The following SLIT2 variants were observed in gnomAD, a reference collection of about 807,000 sequenced individuals.
SLIT2 encodes slit homolog 2 protein.
Under a neutral mutation model 185.7 loss-of-function variants are expected in SLIT2, and 41 were observed. The ratio of observed to expected loss-of-function variants is 0.22; its 90% confidence interval spans 0.17 to 0.29. The LOEUF is 0.29. SLIT2 is among the 10% of genes least tolerant of loss of function. The probability of loss-of-function intolerance (pLI) is 1.00; values close to 1 mark genes in which losing one functional copy is unlikely to be tolerated. For synonymous variants in SLIT2, 693 were observed against 680.2 expected (o/e 1.02, Z -0.29); for missense variants, 1,571 against 1,909.0 (o/e 0.82, Z 3.30).
intron 29 of SLIT2, among the ~76,000 whole-genome samples, chr4:20,572,385 TAAAC>T (rs1725684668): frequency 6.6e-6 from 1 of 152,230 alleles, no homozygotes; most frequent in African/African-American, 2.4e-5. Context: ...TCAGAATTGT[TAAAC>T]AAATAATTTT....
intron 4 of SLIT2, among the ~76,000 whole-genome samples, chr4:20,332,865 G>A (rs1010025504): frequency 2.0e-5 from 3 of 152,030 alleles, no homozygotes; most frequent in East Asian, 1.9e-4. Flanking sequence ...CATTCTGGAC[G>A]TGGCATAAGT....
intron 4 of SLIT2, among the ~76,000 whole-genome samples, chr4:20,334,354 G>T (rs537478528): frequency 1.4e-4 from 21 of 152,216 alleles, no homozygotes; most frequent in Middle Eastern, 6.8e-3. Context: ...CTAGACAAAT[G>T]GGATTGCATC....
chr4:20,411,665 C>T (rs1394002715), intron 4 of SLIT2, among the ~76,000 whole-genome samples: 1 of 152,114 alleles, frequency 6.6e-6, no homozygotes, highest in Non-Finnish European at 1.5e-5. Context: ...TCAAGATAAC[C>T]CAGGTGAATC....
chr4:20,558,747 T>C (rs1018447756), intron 26 of SLIT2, among the ~76,000 whole-genome samples: 4 of 151,988 alleles, frequency 2.6e-5, no homozygotes, highest in Non-Finnish European at 5.9e-5. Flanking sequence ...AATGGAAATA[T>C]GTTTCAGGGA....
chr4:20,372,138 C>T (rs1193950014), intron 4 of SLIT2, among the ~76,000 whole-genome samples: 3 of 152,186 alleles, frequency 2.0e-5, no homozygotes, highest in Middle Eastern at 3.4e-3. Flanking sequence ...AGGTACGACA[C>T]ATTATGCCAG....
intron 4 of SLIT2, among the ~76,000 whole-genome samples, chr4:20,366,960 G>A (rs1008040564): frequency 6.6e-6 from 1 of 151,822 alleles, no homozygotes. Context: ...ACCACCCCTG[G>A]CTAATTTTCT....
chr4:20,607,634 A>G (rs1235462859), intron 33 of SLIT2, among the ~76,000 whole-genome samples: 2 of 152,204 alleles, frequency 1.3e-5, no homozygotes, highest in East Asian at 3.8e-4. Context: ...AGGGTGTTTA[A>G]AACTGTAAAG....
chr4:20,545,329 A>T (rs971097900), intron 21 of SLIT2, among the ~76,000 whole-genome samples: 1 of 152,018 alleles, frequency 6.6e-6, no homozygotes, highest in African/African-American at 2.4e-5. Flanking sequence ...GACATAATAG[A>T]TATAACTTCA....
rs182827012 is a variant in SLIT2 at position 20,271,030 on chromosome 4, G to A, written c.395+2149G>A. ...AAGTCTTTAATAAACAAAGGAACACGTGCTTGTGAAGCTCACTACTGGCTA... is the reference window on the plus strand; with the variant it reads ...AAGTCTTTAATAAACAAAGGAACACATGCTTGTGAAGCTCACTACTGGCTA... On this transcript the variant is annotated intron_variant, in intron 4 of 36. Transcript: ENST00000504154. Among the ~76,000 whole-genome samples, 282 of 152,030 alleles carry A rather than the reference G, an allele frequency of 1.9e-3. 2 individuals carry two copies. The highest frequency in any genetic ancestry group is 3.5e-3 in the Non-Finnish European group (239 of 67,902).
chr4:20,562,757 G>A (rs1226321772), intron 26 of SLIT2, among the ~76,000 whole-genome samples: 2 of 151,736 alleles, frequency 1.3e-5, no homozygotes, highest in Non-Finnish European at 2.9e-5. Context: ...AAAAGCATTG[G>A]TTTTAAATAA....
intron 4 of SLIT2, among the ~76,000 whole-genome samples, chr4:20,345,106 C>A (rs1006169600): frequency 2.0e-5 from 3 of 152,012 alleles, no homozygotes; most frequent in African/African-American, 7.2e-5. Context: ...ATACAAATAT[C>A]TATGTTTTAA....
At chr4:20,430,813 C>T in intron 4 of SLIT2, among the ~76,000 whole-genome samples, 1 of 152,302 alleles carries the variant, frequency 6.6e-6, no homozygotes, top group East Asian at 1.9e-4. Context: ...TTCCTTAAAG[C>T]AGCAGGCCAT....
intron 4 of SLIT2, among the ~76,000 whole-genome samples, chr4:20,417,036 C>T (rs1727741724): frequency 6.6e-6 from 1 of 151,548 alleles, no homozygotes; most frequent in Non-Finnish European, 1.5e-5. Flanking sequence ...GAGATTGAAG[C>T]CTTGACTTGA....
At chr4:20,557,712 C>T (rs560418850) in intron 26 of SLIT2, among the ~76,000 whole-genome samples, 19 of 152,120 alleles carry the variant, frequency 1.2e-4, no homozygotes, top group African/African-American at 4.6e-4. Context: ...TATAAGGCTA[C>T]AGCAGCTGTA....
chr4:20,465,240 G>A (rs1006942554), intron 4 of SLIT2, among the ~76,000 whole-genome samples: 7 of 152,090 alleles, frequency 4.6e-5, no homozygotes, highest in Non-Finnish European at 8.8e-5. Flanking sequence ...TTAACAATTT[G>A]TCTCATTGTT....
chr4:20,581,743 T>TC (rs1560213220), intron 29 of SLIT2, among the ~76,000 whole-genome samples: 9 of 151,724 alleles, frequency 5.9e-5, no homozygotes, highest in Middle Eastern at 3.2e-3. Flanking sequence ...AGTTCTCTCT[T>TC]TCTCTCTCTT....
rs148155035 is a variant in SLIT2, at chr4:20,529,055, G to A, written c.1569G>A (p.Lys523=). ...CCACAGTAGATTGCTCTAATCAAAAGCTCAACAAAATCCCGGAGCACATTC... is the reference window on the plus strand; with the variant it reads ...CCACAGTAGATTGCTCTAATCAAAAACTCAACAAAATCCCGGAGCACATTC... The part of the protein sequence containing the change: ...EGTTVDCSNQ[K]LNKIPEHIPQ... The change falls in exon 16 of 37, where the codon AAG becomes AAA. Residue 523 remains lysine (K), a synonymous_variant. Transcript: ENST00000504154. 6.2e-7 allele frequency: 1 copy of A among 1,613,752 alleles called. No individual in the cohort carries two copies. Among genetic ancestry groups the A allele is most frequent in the African/African-American group, 1.3e-5 (1 of 74,896 alleles).
At chr4:20,307,526 T>C (rs1717698149) in intron 4 of SLIT2, among the ~76,000 whole-genome samples, 1 of 151,858 alleles carries the variant, frequency 6.6e-6, no homozygotes, top group South Asian at 2.1e-4. Context: ...TGCTAAAGTA[T>C]TGGGATTATA....
rs150781022 is a variant in SLIT2 at position 20,614,504 on chromosome 4, G to A, written c.3848-2406G>A. Among the ~76,000 whole-genome samples, 526 of 152,178 alleles carry A rather than the reference G, an allele frequency of 3.5e-3. 7 individuals are homozygous for A. The South Asian group carries it at 0.057, about 16-fold the overall frequency. ...AAAAAAATCATGGATCTGGCCAGGC[G>A]TGGTGGCTCATACCTGTAATCCCAG... On this transcript the variant is annotated intron_variant, in intron 34 of 36. Transcript: ENST00000504154.
Sources: allele counts gnomAD v4.1 joint callset (sites outside exome capture counted in the v4.1 genomes callset), GRCh38; gene constraint gnomAD v4.1.1; transcripts MANE v1.5; gene names NCBI Gene and HGNC (gene_info 2026-07-23, HGNC 2026-07-21).